The following MYO1E variants were observed in gnomAD, a reference collection of about 807,000 sequenced individuals.
MYO1E encodes myosin IE, also known as unconventional myosin-Ie.
Under a neutral mutation model 151.1 loss-of-function variants are expected in MYO1E, and 68 were observed. That is an observed-to-expected ratio of 0.45 (90% confidence interval 0.37 to 0.55). The LOEUF (loss-of-function observed/expected upper bound fraction) is 0.55. Ranked by LOEUF, MYO1E falls within the 20% of genes least tolerant of loss-of-function variation. The pLI, the probability that MYO1E is intolerant of heterozygous loss-of-function variation, is 0.00. For synonymous variants in MYO1E, 601 were observed against 501.7 expected (o/e 1.20, Z -2.64); for missense variants, 1,363 against 1,389.3 (o/e 0.98, Z 0.30).
At chr15:59,305,736 G>A (rs1376118129) in intron 1 of MYO1E, among the ~76,000 whole-genome samples, 11 of 152,192 alleles carry the variant, frequency 7.2e-5, no homozygotes, top group East Asian at 1.9e-4. Context: ...ATAAAATCTC[G>A]GGCTTTTTAT....
chr15:59,171,861 A>G (rs2079596812), intron 22 of MYO1E, 36 bp downstream of exon 22: 1 of 1,613,828 alleles, frequency 6.2e-7, no homozygotes, highest in East Asian at 2.2e-5. Context: ...CTGAGGCGAG[A>G]AGGGGCAGTC....
At chr15:59,368,644 G>C (rs2080927936) in intron 1 of MYO1E, among the ~76,000 whole-genome samples, 1 of 152,150 alleles carries the variant, frequency 6.6e-6, no homozygotes, top group East Asian at 1.9e-4. Flanking sequence ...TGCTTGGGAG[G>C]CTGAGGCAGG....
In MYO1E at chr15:59,202,425, G is replaced by T; in HGVS notation, c.1617-18C>A. ...TGAAAGGCCTGGAAAAGGAGAAAGA[G>T]AATGAATTAACAATCTGTAAGTACC... On this transcript the variant is annotated intron_variant, in intron 15 of 27. Coordinates refer to ENST00000288235, the MANE Select transcript of MYO1E (RefSeq NM_004998.4). 6.2e-7 allele frequency: 1 copy of T among 1,607,392 alleles called. No individual in the cohort carries two copies. The highest frequency in any genetic ancestry group is 1.1e-5 in the South Asian group (1 of 90,948).
At chr15:59,367,155 C>G (rs867890777) in intron 1 of MYO1E, among the ~76,000 whole-genome samples, 3 of 152,076 alleles carry the variant, frequency 2.0e-5, no homozygotes, top group Admixed American at 6.5e-5. Flanking sequence ...AAAGAGATTT[C>G]TCAAATTCCT....
intron 2 of MYO1E, among the ~76,000 whole-genome samples, chr15:59,262,142 G>A (rs2080227665): frequency 6.6e-6 from 1 of 152,066 alleles, no homozygotes. Context: ...ATGAGGCGGA[G>A]GTTGCAGTGA....
chr15:59,341,243 T>C (rs531447041), intron 1 of MYO1E: 122 of 152,268 alleles, frequency 8.0e-4, no homozygotes, highest in African/African-American at 2.8e-3. Flanking sequence ...TAGTTATTTT[T>C]AAATGCACAA....
intron 2 of MYO1E, among the ~76,000 whole-genome samples, chr15:59,263,878 T>C (rs769443270): frequency 1.3e-5 from 2 of 152,238 alleles, no homozygotes; most frequent in Middle Eastern, 3.4e-3. Flanking sequence ...AGGCCAATGA[T>C]AGATTAGTGA....
At chr15:59,220,885 T>G (rs1489756495) in intron 9 of MYO1E, among the ~76,000 whole-genome samples, 1 of 128,354 alleles carries the variant, frequency 7.8e-6, no homozygotes, top group African/African-American at 3.0e-5. Context: ...AGGCCAGAAA[T>G]TCGAGACCAG....
rs193049923 is a variant in MYO1E, at chr15:59,174,034, T to C, written c.2164+92A>G. 1.2e-4 allele frequency: 183 copies of C among 1,488,470 alleles called. No homozygotes were observed. The African/African-American group carries it at 2.2e-3, about 18-fold the overall frequency. 92.2% of individuals were successfully genotyped at this position (1,488,470 alleles called of 1,614,324 possible). Reference sequence around the variant, plus strand: ...ATGCAATATTTTTAGCGTGACATTATATGCAAAATAAAATGGAACTTAAAA... The same window carrying C: ...ATGCAATATTTTTAGCGTGACATTACATGCAAAATAAAATGGAACTTAAAA... On this transcript the variant is annotated intron_variant, in intron 20 of 27. Coordinates refer to ENST00000288235, the MANE Select transcript of MYO1E (RefSeq NM_004998.4).
intron 1 of MYO1E, among the ~76,000 whole-genome samples, chr15:59,299,294 C>T (rs188957157): frequency 1.3e-5 from 2 of 152,290 alleles, no homozygotes; most frequent in East Asian, 3.9e-4. Context: ...ACTGGTAGTG[C>T]CCTCCAAAAT....
chr15:59,189,517 T>TTTCC (rs1347819835), intron 17 of MYO1E, among the ~76,000 whole-genome samples: 2 of 151,746 alleles, frequency 1.3e-5, no homozygotes, highest in Non-Finnish European at 2.9e-5. Context: ...TCTTTCTTTC[T>TTTCC]TTCTTGAGTC....
chr15:59,279,322 A>G (rs112049433), intron 1 of MYO1E, among the ~76,000 whole-genome samples: 4,255 of 152,234 alleles, frequency 0.028, 154 homozygotes, highest in African/African-American at 0.088. Context: ...GAAGTGTTCC[A>G]CCACTAGAGC....
At position 59,178,472 on chromosome 15, in the gene MYO1E, T is replaced by C; in HGVS notation, c.1970A>G (p.His657Arg). 1 of 1,614,178 alleles carries C rather than the reference T, an allele frequency of 6.2e-7. No individual in the cohort carries two copies. Residue 657 changes from histidine (H) to arginine (R), a missense_variant, in exon 19 of 28, where the codon CAC becomes CGC. Physicochemically the swap from His to Arg is conservative, Grantham distance 29. Transcript: ENST00000288235. Reference sequence around the variant, plus strand: ...GTCCATGTTGACCGACTGCAGCAGGTGCAGGACGCCTTGCTTCTCCTCTCC... The same window carrying C: ...GTCCATGTTGACCGACTGCAGCAGGCGCAGGACGCCTTGCTTCTCCTCTCC... Reference protein sequence around the residue: ...WQGEEKQGVLHLLQSVNMDSD... With the variant: ...WQGEEKQGVLRLLQSVNMDSD...
intron 16 of MYO1E, among the ~76,000 whole-genome samples, chr15:59,199,586 TTAAA>T (rs1470569773): frequency 6.6e-6 from 1 of 152,126 alleles, no homozygotes; most frequent in African/African-American, 2.4e-5. Flanking sequence ...TCAAATGCTA[TTAAA>T]TATTACTATA....
intron 1 of MYO1E, among the ~76,000 whole-genome samples, chr15:59,339,138 A>G (rs1206050867): frequency 6.6e-6 from 1 of 152,236 alleles, no homozygotes; most frequent in African/African-American, 2.4e-5. Flanking sequence ...TCTCAAAAAA[A>G]GAAAATGTCA....
chr15:59,234,036 T>A (rs1481290901), intron 5 of MYO1E, among the ~76,000 whole-genome samples: 1 of 152,216 alleles, frequency 6.6e-6, no homozygotes, highest in East Asian at 1.9e-4. Context: ...AAATTTAGAA[T>A]TACACATATG....
intron 26 of MYO1E, among the ~76,000 whole-genome samples, chr15:59,142,529 A>G (rs1718836688): frequency 6.6e-6 from 1 of 152,140 alleles, no homozygotes; most frequent in African/African-American, 2.4e-5. Flanking sequence ...CTTCCTTGCC[A>G]GTTGTTTCCT....
At chr15:59,244,462 A>G (rs1257421325) in intron 4 of MYO1E, among the ~76,000 whole-genome samples, 2 of 152,154 alleles carry the variant, frequency 1.3e-5, no homozygotes, top group African/African-American at 4.8e-5. Context: ...TAAATTCCCA[A>G]TTTATAGATG....
chr15:59,223,318 A>T, intron 8 of MYO1E, 127 bp from the exon 9 acceptor site: 1 of 882,698 alleles, frequency 1.1e-6, no homozygotes, highest in Non-Finnish European at 1.6e-6. Flanking sequence ...TTACAAAGAA[A>T]AAAAAAAAAA....
Sources: gnomAD v4.1 joint callset for allele counts (sites outside exome capture counted in the v4.1 genomes callset) on GRCh38, gnomAD v4.1.1 for gene constraint, MANE v1.5 for transcripts, NCBI Gene and HGNC (gene_info 2026-07-23, HGNC 2026-07-21) for gene names.